PHF8: variants seen among roughly 807,000 people sequenced by gnomAD.
PHF8 encodes PHD finger protein 8, also known as histone lysine demethylase PHF8.
PHF8 carries 9 observed loss-of-function variants against 74.4 expected under a neutral mutation model. The ratio of observed to expected loss-of-function variants is 0.12; its 90% CI spans 0.07 to 0.21. The LOEUF is 0.21. Among genes scored for constraint, PHF8 ranks in the 10% least tolerant of loss-of-function variants. The pLI, the probability that PHF8 is intolerant of heterozygous loss-of-function variation, is 1.00. For missense variants in PHF8, 478 were observed against 816.6 expected, an observed-to-expected ratio of 0.59 and a Z score of 5.05; for synonymous variants, 311 against 316.6, an observed-to-expected ratio of 0.98 and a Z score of 0.19.
chrX:53,983,980 CAG>C (rs2065519662), intron 18 of PHF8, among the ~76,000 whole-genome samples: 1 of 112,485 alleles, frequency 8.9e-6, no homozygotes. Context: ...AGAGAGGAAA[CAG>C]TGTTAGTCAA....
rs1557108709 is a variant in PHF8, at chrX:54,017,831, G to A, written c.294-10C>T. On this transcript the variant is annotated splice_polypyrimidine_tract_variant and intron_variant, in intron 4 of 21. Transcript: ENST00000338154. ...AATCACTTCATCTGAGCTGTGGGCC[G>A]CAGGAGAGAAAGCTTGAGCCTGAGG... The A allele has an allele frequency of 5.8e-6, 7 of 1,207,789 alleles. No homozygotes were observed. In the South Asian group the frequency reaches 7.0e-5, roughly 12 times the overall value.
In PHF8 at chrX:54,022,673, G is replaced by A. The variant is rs782270876; in HGVS notation, c.184+85C>T. On this transcript the variant is annotated intron_variant, in intron 3 of 21. Transcript: ENST00000338154. Reference sequence around the variant, plus strand: ...GAGGAAGAAGAATCACAAGTGCTCAGGCAAAAGCAATCACTCCCCCAAATT... The same window carrying A: ...GAGGAAGAAGAATCACAAGTGCTCAAGCAAAAGCAATCACTCCCCCAAATT... 20 of 616,129 alleles carry A rather than the reference G, an allele frequency of 3.2e-5. No homozygotes were observed. The Admixed American group carries it at 5.2e-4, about 16-fold the overall frequency. The allele number at this position is 616,129 out of a possible 1,213,427, so 50.8% of individuals were successfully genotyped here. A position where few individuals can be genotyped will look rare whatever the true frequency, so the allele number is the denominator to read the frequency against.
In PHF8 at chrX:53,936,977, C is replaced by A. The variant is rs782305473; in HGVS notation, c.*2181G>T. Reference sequence around the variant, plus strand: ...TCCTCTCTCCCTTCCCCCTGTCCAGCCCCCAGCTAGGGACTGGAGATCAGG... The same window carrying A: ...TCCTCTCTCCCTTCCCCCTGTCCAGACCCCAGCTAGGGACTGGAGATCAGG... On this transcript the variant is annotated 3_prime_UTR_variant, in exon 22 of 22. Coordinates refer to ENST00000338154, the MANE Select transcript of PHF8 (RefSeq NM_015107.3). The A allele has an allele frequency of 9.0e-6, 1 of 110,888 alleles. No individual in the cohort carries two copies. Among genetic ancestry groups the A allele is most frequent in the Admixed American group, 9.6e-5 (1 of 10,370 alleles). The allele number at this position is 110,888 out of a possible 1,213,427, so 9.1% of individuals were successfully genotyped here.
chrX:53,950,562 C>T (rs182166540), intron 19 of PHF8, among the ~76,000 whole-genome samples: 56 of 112,100 alleles, frequency 5.0e-4, no homozygotes, highest in African/African-American at 1.8e-3. Flanking sequence ...GAGTTGTAAA[C>T]TGCCTGGCTG....
chrX:54,005,391 G>A (rs1326363930), intron 8 of PHF8, among the ~76,000 whole-genome samples: 2 of 101,461 alleles, frequency 2.0e-5, no homozygotes, highest in African/African-American at 7.3e-5. Flanking sequence ...AGCCGAGATC[G>A]CTCCACTACA....
At chrX:54,001,665 C>G (rs1557104246) in intron 10 of PHF8, among the ~76,000 whole-genome samples, 1 of 111,750 alleles carries the variant, frequency 8.9e-6, no homozygotes, top group East Asian at 2.8e-4. Context: ...GCCTGTAACC[C>G]CAGCAAAAGG....
intron 18 of PHF8, among the ~76,000 whole-genome samples, chrX:53,972,309 A>T (rs1459148590): frequency 2.1e-5 from 2 of 97,157 alleles, no homozygotes; most frequent in Non-Finnish European, 4.1e-5. Context: ...GTGACAGGGC[A>T]AGACGCTGTC....
chrX:53,979,141 G>C (rs2065436679), intron 18 of PHF8, among the ~76,000 whole-genome samples: 1 of 112,225 alleles, frequency 8.9e-6, no homozygotes, highest in Non-Finnish European at 1.9e-5. Context: ...AGCACTTTGG[G>C]AGGCTGAGGC....
chrX:53,939,234 T>C lies in PHF8; in HGVS notation c.2999A>G (p.Lys1000Arg). 1 of 1,208,522 alleles carries C rather than the reference T, an allele frequency of 8.3e-7. No homozygotes were observed. Among genetic ancestry groups the C allele is most frequent in the Non-Finnish European group, 1.1e-6 (1 of 893,334 alleles). ...SNQAGQGKRP[K>R]KGLATAKQRL... ...CTGCTTTGCTGTGGCCAGGCCCTTT[T>C]TGGGACGCTTTCCTGTGGGGGAAGG... The change falls in exon 22 of 22, where the codon AAA becomes AGA. Residue 1000 changes from lysine (K) to arginine (R), a missense_variant. Around this residue, in one of 9 missense-constraint regions of PHF8, gnomAD observed 6 missense variants for 21.4 expected, o/e 0.28. Transcript: ENST00000338154.
chrX:54,013,610 G>A (rs782777486), intron 7 of PHF8, among the ~76,000 whole-genome samples: 1 of 110,791 alleles, frequency 9.0e-6, no homozygotes, highest in Admixed American at 9.7e-5. Context: ...TTCAGGTCAG[G>A]CGTTCGAGAC....
At position 54,014,491 on chromosome X, in the gene PHF8, T is replaced by C. The variant is rs782288579; in HGVS notation, c.669A>G (p.Glu223=). Residue 223 remains glutamate, a synonymous_variant, in exon 7 of 22, where the codon GAA becomes GAG. Transcript: ENST00000338154. ...GTACATTGGGTCTCTCAAAGACACATTCCTCTGGCCACAAGTTTTCGACCC... is the reference window on the plus strand; with the variant it reads ...GTACATTGGGTCTCTCAAAGACACACTCCTCTGGCCACAAGTTTTCGACCC... The part of the protein sequence containing the change: ...LSWVENLWPE[E]CVFERPNVQK... 2 of 1,204,849 alleles carry C rather than the reference T, an allele frequency of 1.7e-6. No homozygotes were observed. Among genetic ancestry groups the C allele is most frequent in the South Asian group, 1.8e-5 (1 of 56,841 alleles).
intron 8 of PHF8, among the ~76,000 whole-genome samples, chrX:54,008,371 CAAAAAAAAAAA>C (rs34539175): frequency 2.8e-5 from 1 of 36,233 alleles, no homozygotes. Context: ...AATACTCCGT[CAAAAAAAAAAA>C]AAAAAAAAAA....
At chrX:53,979,665 T>C (rs1856317678) in intron 18 of PHF8, among the ~76,000 whole-genome samples, 1 of 112,260 alleles carries the variant, frequency 8.9e-6, no homozygotes, top group Admixed American at 9.5e-5. Flanking sequence ...TTTATTAATG[T>C]CATTCACTGT....
At chrX:54,009,833 ACT>A (rs1490368871) in intron 8 of PHF8, among the ~76,000 whole-genome samples, 1 of 72,263 alleles carries the variant, frequency 1.4e-5, no homozygotes, top group Non-Finnish European at 2.4e-5. Flanking sequence ...ACAGAGTGAG[ACT>A]CTGTCTCAGA....
intron 18 of PHF8, among the ~76,000 whole-genome samples, chrX:53,971,630 C>A (rs1349245337): frequency 9.0e-6 from 1 of 111,430 alleles, no homozygotes; most frequent in Non-Finnish European, 1.9e-5. Context: ...ACAGACACAA[C>A]CAGAAATGAT....
chrX:53,973,017 A>G (rs1437443957), intron 18 of PHF8, among the ~76,000 whole-genome samples: 2 of 111,653 alleles, frequency 1.8e-5, no homozygotes, highest in African/African-American at 6.5e-5. Context: ...ACAAGCAGAG[A>G]GCCATATCAT....
At chrX:54,014,310 G>C in intron 7 of PHF8, 67 bp downstream of exon 7, 1 of 746,266 alleles carries the variant, frequency 1.3e-6, no homozygotes, top group Non-Finnish European at 2.1e-6. Context: ...ATGTTTCTGT[G>C]CTGCCATGTG....
chrX:54,015,593 A>AC (rs1435521079), intron 6 of PHF8, among the ~76,000 whole-genome samples: 4 of 107,745 alleles, frequency 3.7e-5, no homozygotes, highest in African/African-American at 1.3e-4. Context: ...AAAAAAAAAA[A>AC]AAAACACAAC....
upstream of PHF8, among the ~76,000 whole-genome samples, chrX:54,045,801 G>A (rs2066628718): frequency 8.9e-6 from 1 of 112,285 alleles, no homozygotes; most frequent in Non-Finnish European, 1.9e-5. Context: ...ATAGGTAGGA[G>A]GTCAAACAGT....
Sources: allele counts gnomAD v4.1 joint callset (sites outside exome capture counted in the v4.1 genomes callset), GRCh38; gene constraint gnomAD v4.1.1; regional missense constraint gnomAD v4.1.1; transcripts MANE v1.5; gene names NCBI Gene and HGNC (gene_info 2026-07-23, HGNC 2026-07-21).